Variants in ERICH6B observed in about 807,000 individuals in gnomAD.
ERICH6B encodes the protein glutamate-rich protein 6B.
ERICH6B carries 69 observed loss-of-function variants against 80.0 expected under a neutral mutation model. The ratio of observed to expected loss-of-function variants is 0.86; its 90% CI spans 0.71 to 1.05. ERICH6B has a LOEUF of 1.05. Ranked by LOEUF, ERICH6B falls within the 50% of genes least tolerant of loss-of-function variation. ERICH6B has a pLI of 0.00. For synonymous variants in ERICH6B, 283 were observed against 291.9 expected, an observed-to-expected ratio of 0.97 and a Z score of 0.31; for missense variants, 754 against 796.1, an observed-to-expected ratio of 0.95 and a Z score of 0.64.
At chr13:45,568,231 A>T in intron 9 of ERICH6B, 84 bp downstream of exon 9, 3 of 1,387,122 alleles carry the variant, frequency 2.2e-6, no homozygotes, top group Admixed American at 3.2e-5. Flanking sequence ...TTTTTTGTTG[A>T]TGGCTCAGTT....
At chr13:45,541,909 C>T (rs755001488) in intron 14 of ERICH6B, among the ~76,000 whole-genome samples, 5 of 152,248 alleles carry the variant, frequency 3.3e-5, no homozygotes, top group African/African-American at 4.8e-5. Context: ...GCTGAGGCCA[C>T]ACCCATGCCT....
rs1433733171 is a variant in ERICH6B, at chr13:45,596,599, T to C, written c.407A>G (p.Glu136Gly). 8.6e-6 allele frequency: 4 copies of C among 465,412 alleles called. No individual in the cohort carries two copies. The highest frequency in any genetic ancestry group is 1.4e-5 in the Non-Finnish European group (4 of 283,168). 28.8% of individuals were successfully genotyped at this position (465,412 alleles called of 1,614,324 possible). A position where few individuals can be genotyped will look rare whatever the true frequency, so the allele number is the denominator to read the frequency against. Residue 136 changes from glutamate to glycine, a missense_variant, in exon 3 of 15, where the codon GAG becomes GGG. Glu to Gly is a moderately conservative substitution (Grantham distance 98). Transcript: ENST00000298738. Reference protein sequence around the residue: ...EYLGKEEHLEEEEYLGKEGYL... With the variant: ...EYLGKEEHLEGEEYLGKEGYL... ...CCCTTCCTTCCCCAGATACTCTTCC[T>C]CCTCCAGATGCTCTTCCTTCCCCAG...
intron 3 of ERICH6B, among the ~76,000 whole-genome samples, chr13:45,594,018 T>C (rs1260105343): frequency 3.3e-5 from 5 of 152,230 alleles, no homozygotes; most frequent in Admixed American, 1.3e-4. Context: ...TCAATTTACA[T>C]GTACTGAGCA....
chr13:45,601,266 T>C (rs1405357165), intron 2 of ERICH6B, among the ~76,000 whole-genome samples: 1 of 152,124 alleles, frequency 6.6e-6, no homozygotes, highest in African/African-American at 2.4e-5. Flanking sequence ...AATATATTTT[T>C]ACTGTGGGGC....
chr13:45,596,019 A>G (rs999555310), intron 3 of ERICH6B, among the ~76,000 whole-genome samples: 2 of 152,236 alleles, frequency 1.3e-5, no homozygotes, highest in Non-Finnish European at 1.5e-5. Flanking sequence ...AAAGATACAA[A>G]TAACAATTAT....
intron 2 of ERICH6B, among the ~76,000 whole-genome samples, chr13:45,602,962 G>A (rs1050078768): frequency 2.0e-5 from 3 of 152,224 alleles, no homozygotes; most frequent in African/African-American, 7.2e-5. Context: ...TGGAGGCCGA[G>A]AAGCCCCACC....
At chr13:45,542,335 C>T (rs760431287) in intron 14 of ERICH6B, among the ~76,000 whole-genome samples, 3 of 152,352 alleles carry the variant, frequency 2.0e-5, no homozygotes, top group East Asian at 1.9e-4. Context: ...TGGGCTCAGA[C>T]CACAGGCTAG....
chr13:45,583,635 G>A (rs2138005179), intron 5 of ERICH6B, among the ~76,000 whole-genome samples: 1 of 152,250 alleles, frequency 6.6e-6, no homozygotes, highest in African/African-American at 2.4e-5. Flanking sequence ...GGACCTGCTG[G>A]GAGATAACTG....
rs567125147 is a variant in ERICH6B, at chr13:45,570,858, T to C, written c.1051-2407A>G. 2.0e-5 allele frequency among the ~76,000 whole-genome samples: 3 copies of C among 150,324 alleles called. No homozygotes were observed. The South Asian group carries it at 6.4e-4, about 32-fold the overall frequency. ...GCTGCAGGTGCCGTGTGGCATTCGC[T>C]CCATTGCAGCTGCAGGTTCCATATG... is the stretch of plus-strand genomic sequence containing the variant. On this transcript the variant is annotated intron_variant, in intron 8 of 14. Transcript: ENST00000298738.
intron 11 of ERICH6B, among the ~76,000 whole-genome samples, chr13:45,559,958 G>A (rs1874597894): frequency 6.6e-6 from 1 of 152,138 alleles, no homozygotes; most frequent in African/African-American, 2.4e-5. Context: ...TTGACTTCTT[G>A]TCTTGATGAC....
intron 7 of ERICH6B, among the ~76,000 whole-genome samples, chr13:45,577,119 G>C (rs1405773787): frequency 1.3e-5 from 2 of 152,060 alleles, no homozygotes; most frequent in East Asian, 3.9e-4. Context: ...TGTCACTGTT[G>C]CATGTCCCCC....
chr13:45,601,369 C>T (rs1217105813), intron 2 of ERICH6B, among the ~76,000 whole-genome samples: 1 of 152,188 alleles, frequency 6.6e-6, no homozygotes, highest in Non-Finnish European at 1.5e-5. Context: ...CTTGGGAACA[C>T]AGTGGCAGCC....
chr13:45,594,048 G>A (rs568068645), intron 3 of ERICH6B, among the ~76,000 whole-genome samples: 3 of 152,208 alleles, frequency 2.0e-5, no homozygotes, highest in African/African-American at 7.2e-5. Flanking sequence ...GGTGAGGAAG[G>A]CACTCTTGTT....
intron 7 of ERICH6B, among the ~76,000 whole-genome samples, chr13:45,578,926 C>T (rs1217798387): frequency 1.3e-5 from 2 of 152,136 alleles, no homozygotes; most frequent in Non-Finnish European, 1.5e-5. Context: ...GGCATGCACC[C>T]GTGGTCCCAG....
chr13:45,608,524 T>C (rs970827307), intron 1 of ERICH6B, among the ~76,000 whole-genome samples: 2 of 152,250 alleles, frequency 1.3e-5, no homozygotes, highest in African/African-American at 4.8e-5. Flanking sequence ...AGAAATACTT[T>C]TGAACTGAGT....
chr13:45,570,555 T>C (rs35380537), intron 8 of ERICH6B, among the ~76,000 whole-genome samples: 13,447 of 152,260 alleles, frequency 0.088, 992 homozygotes, highest in African/African-American at 0.2. Context: ...CTTCCTCTCC[T>C]TGGCTTGTAC....
rs891762458 is a variant in ERICH6B at position 45,541,598 on chromosome 13, C to T, written c.1955G>A (p.Arg652Gln). ...AEPGPTAQKI[R>Q]VLLGKMNRLL... ...CCTATTCATTTTCCCCAGAAGGACC[C>T]GGATCTTCTGGGCTGTTGGGCCGGG... Residue 652 changes from arginine (R) to glutamine (Q), a missense_variant, in exon 15 of 15, where the codon CGG becomes CAG. By Grantham distance (43) the Arg-to-Gln change is conservative (BLOSUM62 1). Coordinates refer to ENST00000298738, the MANE Select transcript of ERICH6B (RefSeq NM_182542.3). The T allele has an allele frequency of 3.2e-5, 49 of 1,551,614 alleles. No individual in the cohort carries two copies. Among genetic ancestry groups the T allele is most frequent in the South Asian group, 9.5e-5 (8 of 84,060 alleles).
chr13:45,563,460 A>C (rs1874776189), intron 10 of ERICH6B, among the ~76,000 whole-genome samples: 1 of 152,114 alleles, frequency 6.6e-6, no homozygotes, highest in South Asian at 2.1e-4. Context: ...AAGACAGTCC[A>C]CACCACTGAA....
chr13:45,613,591 T>G (rs1363497049), intron 1 of ERICH6B, among the ~76,000 whole-genome samples: 1 of 152,162 alleles, frequency 6.6e-6, no homozygotes, highest in African/African-American at 2.4e-5. Flanking sequence ...CAGTCAAAAC[T>G]GGACTGGGGA....
Sources: allele counts gnomAD v4.1 joint callset (sites outside exome capture counted in the v4.1 genomes callset), GRCh38; gene constraint gnomAD v4.1.1; transcripts MANE v1.5; gene names NCBI Gene and HGNC (gene_info 2026-07-23, HGNC 2026-07-21).